RFLNA: variants seen among roughly 807,000 people sequenced by gnomAD.
RFLNA encodes refilin A, also known as refilin-A.
A neutral mutation model predicts 7.8 loss-of-function variants in RFLNA; 5 were observed. The observed-to-expected ratio is 0.64, with a 90% confidence interval of 0.34 to 1.35. The LOEUF (loss-of-function observed/expected upper bound fraction) is 1.35. Ranked by LOEUF, RFLNA falls within the 40% of genes most tolerant of loss-of-function variation. The probability of loss-of-function intolerance (pLI) is 0.04; values close to 1 mark genes in which losing one functional copy is unlikely to be tolerated. For synonymous variants in RFLNA, 141 were observed against 131.3 expected (o/e 1.07, Z -0.50); for missense variants, 278 against 305.5 (o/e 0.91, Z 0.67).
intron 1 of RFLNA, among the ~76,000 whole-genome samples, chr12:124,301,142 GA>G (rs955734134): frequency 6.6e-6 from 1 of 152,212 alleles, no homozygotes; most frequent in Non-Finnish European, 1.5e-5. Flanking sequence ...GTGGGAGGGA[GA>G]AGCCTGTTTG....
At chr12:124,299,902 C>T (rs1456552393) in intron 1 of RFLNA, among the ~76,000 whole-genome samples, 1 of 152,176 alleles carries the variant, frequency 6.6e-6, no homozygotes, top group Non-Finnish European at 1.5e-5. Flanking sequence ...CCCCGCCCTG[C>T]CCGGCAGAGC....
intron 1 of RFLNA, among the ~76,000 whole-genome samples, chr12:124,300,624 GTGGATGGA>G (rs575581309): frequency 1.3e-5 from 2 of 148,614 alleles, no homozygotes; most frequent in African/African-American, 2.5e-5. Context: ...AGAAGAATGG[GTGGATGGA>G]TGGATGGATG....
intron 1 of RFLNA, among the ~76,000 whole-genome samples, chr12:124,301,234 G>A (rs149052696): frequency 3.9e-5 from 6 of 152,314 alleles, no homozygotes; most frequent in East Asian, 3.9e-4. Flanking sequence ...GCTCGATCCC[G>A]GGTGAACTGG....
At chr12:124,308,382 T>C (rs1003237259) in intron 1 of RFLNA, among the ~76,000 whole-genome samples, 3 of 152,182 alleles carry the variant, frequency 2.0e-5, no homozygotes, top group Admixed American at 1.3e-4. Flanking sequence ...CTGCAAAGGC[T>C]CTATTCCAAA....
Position 124,303,694 on chromosome 12 carries a change from C to G in RFLNA, c.207+8058C>G, listed in dbSNP as rs2034087795. On this transcript the variant is annotated intron_variant, in intron 1 of 2. Coordinates refer to ENST00000546355, the MANE Select transcript of RFLNA (RefSeq NM_001365156.1). ...CTGTGTCTTGGGCATCCCTGATGGT[C>G]CCCCAGCCCCAGGATGTGGGCCTTG... Among the ~76,000 whole-genome samples the G allele has an allele frequency of 2.0e-5, 3 of 152,222 alleles. No homozygotes were observed. In the South Asian group the frequency reaches 6.2e-4, roughly 32 times the overall value.
At chr12:124,298,911 G>A (rs900450239) in intron 1 of RFLNA, among the ~76,000 whole-genome samples, 1 of 152,196 alleles carries the variant, frequency 6.6e-6, no homozygotes, top group Admixed American at 6.5e-5. Context: ...TCGGGTGATG[G>A]GTGCACAAAA....
intron 1 of RFLNA, among the ~76,000 whole-genome samples, chr12:124,296,695 G>A (rs935152182): frequency 2.0e-5 from 3 of 152,198 alleles, no homozygotes; most frequent in Non-Finnish European, 2.9e-5. Context: ...ACCTTCATTC[G>A]TGCCTTGCTT....
At chr12:124,297,816 C>A (rs186522129) in intron 1 of RFLNA, among the ~76,000 whole-genome samples, 2 of 152,356 alleles carry the variant, frequency 1.3e-5, no homozygotes, top group African/African-American at 4.8e-5. Context: ...CCGCTGTGGC[C>A]ATGCCCACCC....
At chr12:124,291,174 G>T (rs190203800), upstream of RFLNA, among the ~76,000 whole-genome samples, 94 of 152,314 alleles carry the variant, frequency 6.2e-4, no homozygotes, top group African/African-American at 2.2e-3. Flanking sequence ...AGGATAGGCT[G>T]TGTGACCTCA....
chr12:124,301,447 C>G (rs1474871511), intron 1 of RFLNA, among the ~76,000 whole-genome samples: 1 of 152,192 alleles, frequency 6.6e-6, no homozygotes, highest in Non-Finnish European at 1.5e-5. Context: ...TTCCCGGAGA[C>G]AGCTTTCCTG....
chr12:124,290,239 T>C (rs1329657928), upstream of RFLNA, among the ~76,000 whole-genome samples: 1 of 152,002 alleles, frequency 6.6e-6, no homozygotes, highest in Non-Finnish European at 1.5e-5. This position sits in a 1 kb window ranked among gnomAD's most constrained non-coding sequence, Gnocchi z 4.0. Context: ...TGTAGATGTG[T>C]AGACATGCGT....
intron 1 of RFLNA, among the ~76,000 whole-genome samples, chr12:124,309,432 C>T (rs1317138247): frequency 2.0e-5 from 3 of 152,218 alleles, no homozygotes; most frequent in Non-Finnish European, 2.9e-5. Flanking sequence ...CAGTACAGAG[C>T]GCAGTGCCGG....
rs1261422581 is a variant in RFLNA, at chr12:124,306,227, T to TG, written c.208-5586dup. ...CTCCAGCCTTAGGGAGCTGCTTCTC[T>TG]GGGGGTGACAGACACGCAAAGGGGT... On this transcript the variant is annotated intron_variant, in intron 1 of 2. Coordinates refer to ENST00000546355, the MANE Select transcript of RFLNA (RefSeq NM_001365156.1). This position sits in a 1 kb window ranked among gnomAD's most constrained non-coding sequence, Gnocchi z 5.2. Among the ~76,000 whole-genome samples the TG allele has an allele frequency of 6.6e-6, 1 of 151,998 alleles. No individual in the cohort carries two copies. The highest frequency in any genetic ancestry group is 1.5e-5 in the Non-Finnish European group (1 of 67,992).
intron 1 of RFLNA, among the ~76,000 whole-genome samples, chr12:124,297,966 T>A (rs2033960424): frequency 1.3e-5 from 2 of 152,218 alleles, no homozygotes; most frequent in Admixed American, 1.3e-4. Flanking sequence ...CCCCATACTG[T>A]CTCAGGACAA....
At chr12:124,298,411 C>CT (rs1437746265) in intron 1 of RFLNA, among the ~76,000 whole-genome samples, 1 of 152,152 alleles carries the variant, frequency 6.6e-6, no homozygotes, top group Non-Finnish European at 1.5e-5. Context: ...ATCAAAGGCC[C>CT]TGGGGGCCAG....
intron 1 of RFLNA, among the ~76,000 whole-genome samples, chr12:124,303,656 G>A (rs906737264): frequency 6.6e-6 from 1 of 152,216 alleles, no homozygotes; most frequent in Non-Finnish European, 1.5e-5. Context: ...GAGCCCCCCA[G>A]GAAACCACCA....
rs138139661 is a variant in RFLNA at position 124,304,771 on chromosome 12, C to G, written c.208-7047C>G. Among the ~76,000 whole-genome samples, 580 of 152,318 alleles carry G rather than the reference C, an allele frequency of 3.8e-3. 4 individuals carry two copies. Among genetic ancestry groups the G allele is most frequent in the Non-Finnish European group, 5.2e-3 (355 of 68,024 alleles). ...TGTCTGGACAGAAGAAACACCTCCC[C>G]AAACCTTAGTGCTCATGTTTATGTC... On this transcript the variant is annotated intron_variant, in intron 1 of 2. Coordinates refer to ENST00000546355, the MANE Select transcript of RFLNA (RefSeq NM_001365156.1).
intron 1 of RFLNA, among the ~76,000 whole-genome samples, chr12:124,301,614 TA>T (rs1159218617): frequency 6.6e-6 from 1 of 152,104 alleles, no homozygotes; most frequent in African/African-American, 2.4e-5. Flanking sequence ...ATCCGGCCTT[TA>T]TAAGGGCAGG....
rs2034142118 is a variant in RFLNA at position 124,306,630 on chromosome 12, C to T, written c.208-5188C>T. 6.6e-6 allele frequency among the ~76,000 whole-genome samples: 1 copy of T among 152,296 alleles called. No homozygotes were observed. The highest frequency in any genetic ancestry group is 1.9e-4 in the East Asian group (1 of 5,172). On this transcript the variant is annotated intron_variant, in intron 1 of 2. Coordinates refer to ENST00000546355, the MANE Select transcript of RFLNA (RefSeq NM_001365156.1). This position sits in a 1 kb window ranked among gnomAD's most constrained non-coding sequence, Gnocchi z 5.2. ...TGGCCTTGGGCAAATGACTTAGCCA[C>T]TCTGGGCCTCGGTTTCCACATGTGG...
Sources: allele counts gnomAD v4.1 joint callset (sites outside exome capture counted in the v4.1 genomes callset), GRCh38; gene constraint gnomAD v4.1.1; non-coding constraint Gnocchi (gnomAD v3.1); transcripts MANE v1.5; gene names NCBI Gene and HGNC (gene_info 2026-07-23, HGNC 2026-07-21).